Variants in SLC39A11 observed in about 807,000 individuals in gnomAD.
SLC39A11 encodes the protein zinc transporter ZIP11.
A neutral mutation model predicts 36.1 loss-of-function variants in SLC39A11; 33 were observed. That is an observed-to-expected ratio of 0.91 (90% CI 0.69 to 1.22). The LOEUF is 1.22. Ranked by LOEUF, SLC39A11 falls within the 50% of genes most tolerant of loss-of-function variation. The pLI is 0.00. For synonymous variants in SLC39A11, 166 were observed against 170.3 expected (o/e 0.97, Z 0.20); for missense variants, 432 against 430.3 (o/e 1.00, Z -0.03).
Position 72,706,204 on chromosome 17 carries a change from C to T in SLC39A11, c.671+30446G>A, listed in dbSNP as rs118147934. Among the ~76,000 whole-genome samples, 1,042 of 152,288 alleles carry T rather than the reference C, an allele frequency of 6.8e-3. 10 individuals are homozygous for T. Among genetic ancestry groups the T allele is most frequent in the Admixed American group, 0.013 (192 of 15,300 alleles). ...TTATTCATGTCTCATTTGTGCACTT[C>T]CCTGAAACAATCTCTTCTAGATGCA... On this transcript the variant is annotated intron_variant, in intron 7 of 9. Coordinates refer to ENST00000255559, the MANE Select transcript of SLC39A11 (RefSeq NM_139177.4).
intron 3 of SLC39A11, among the ~76,000 whole-genome samples, chr17:73,070,334 C>A (rs1015450052): frequency 6.6e-6 from 1 of 152,132 alleles, no homozygotes; most frequent in African/African-American, 2.4e-5. Context: ...AAGTATGAGC[C>A]TTCCATAGAC....
intron 7 of SLC39A11, among the ~76,000 whole-genome samples, chr17:72,704,541 G>A (rs959795160): frequency 6.6e-6 from 1 of 152,126 alleles, no homozygotes; most frequent in Non-Finnish European, 1.5e-5. Context: ...CTTTTCAGTG[G>A]GTCCTGCAAG....
intron 4 of SLC39A11, among the ~76,000 whole-genome samples, chr17:73,021,527 A>G (rs1387370375): frequency 1.3e-5 from 2 of 152,052 alleles, no homozygotes; most frequent in Admixed American, 6.6e-5. Context: ...TTTTTAGTAC[A>G]GACGGGGTTT....
chr17:72,679,994 A>G (rs1353082493), intron 7 of SLC39A11, among the ~76,000 whole-genome samples: 2 of 145,060 alleles, frequency 1.4e-5, no homozygotes, highest in African/African-American at 2.6e-5. Flanking sequence ...GTGAGCCAAG[A>G]TCGAGCTACT....
chr17:73,085,263 G>C (rs1323786033), intron 2 of SLC39A11, among the ~76,000 whole-genome samples: 1 of 152,008 alleles, frequency 6.6e-6, no homozygotes, highest in Non-Finnish European at 1.5e-5. Flanking sequence ...TCCCAGCACT[G>C]TGGGAGGCTG....
intron 6 of SLC39A11, among the ~76,000 whole-genome samples, chr17:72,832,415 C>T (rs2078325739): frequency 6.6e-6 from 1 of 152,220 alleles, no homozygotes; most frequent in Admixed American, 6.5e-5. Context: ...TCCCAAACCG[C>T]CATGCTGAGC....
Position 72,860,633 on chromosome 17 carries a change from C to T in SLC39A11, c.431-10829G>A, listed in dbSNP as rs937880147. The stretch of plus-strand genomic sequence containing the variant: ...CAGGGAGACAAGCGAAAAACCCGTA[C>T]CAGGCTTGGTGCACGTTCCTCTTTT... On this transcript the variant is annotated intron_variant, in intron 5 of 9. Coordinates refer to ENST00000255559, the MANE Select transcript of SLC39A11 (RefSeq NM_139177.4). Among the ~76,000 whole-genome samples, 17 of 152,254 alleles carry T rather than the reference C, an allele frequency of 1.1e-4. No homozygotes were observed. The South Asian group carries it at 3.3e-3, about 30-fold the overall frequency.
intron 6 of SLC39A11, among the ~76,000 whole-genome samples, chr17:72,786,522 C>G (rs567646164): frequency 6.6e-6 from 1 of 152,082 alleles, no homozygotes; most frequent in Admixed American, 6.5e-5. Context: ...CCTTGCCATG[C>G]CCCCAAATGT....
intron 5 of SLC39A11, among the ~76,000 whole-genome samples, chr17:72,910,623 C>CA (rs759842114): frequency 0.017 from 823 of 49,846 alleles, 59 homozygotes; most frequent in African/African-American, 0.056. Flanking sequence ...GACTCCGTCT[C>CA]AAAAAAAAAA....
intron 6 of SLC39A11, among the ~76,000 whole-genome samples, chr17:72,836,559 T>G (rs2078558160): frequency 6.6e-6 from 1 of 152,164 alleles, no homozygotes; most frequent in East Asian, 1.9e-4. Flanking sequence ...CAGGCTGGTC[T>G]TGAACTCCCA....
chr17:72,833,475 T>C lies in SLC39A11; in HGVS notation c.601+16159A>G, dbSNP rs941685632. Among the ~76,000 whole-genome samples, 9 of 152,338 alleles carry C rather than the reference T, an allele frequency of 5.9e-5. No homozygotes were observed. In the South Asian group the frequency reaches 8.3e-4, roughly 14 times the overall value. On this transcript the variant is annotated intron_variant, in intron 6 of 9. Coordinates refer to ENST00000255559, the MANE Select transcript of SLC39A11 (RefSeq NM_139177.4). ...CATTCCCACAGGGAGGCAAAGCTTT[T>C]CCAGGCAGTGTATTCTAAAAGTTTT...
At chr17:72,706,996 C>G (rs374377746) in intron 7 of SLC39A11, among the ~76,000 whole-genome samples, 1 of 152,112 alleles carries the variant, frequency 6.6e-6, no homozygotes, top group Non-Finnish European at 1.5e-5. Context: ...TATGTGTGGC[C>G]GTTGAGCACC....
chr17:72,971,336 ACTCT>A (rs369016332), intron 4 of SLC39A11, among the ~76,000 whole-genome samples: 51 of 143,470 alleles, frequency 3.6e-4, no homozygotes, highest in South Asian at 6.8e-4. Context: ...ACACACACAC[ACTCT>A]CTCTCTCTCT....
At chr17:72,835,308 C>A (rs1315984494) in intron 6 of SLC39A11, among the ~76,000 whole-genome samples, 1 of 152,078 alleles carries the variant, frequency 6.6e-6, no homozygotes, top group African/African-American at 2.4e-5. Context: ...CTGTGACGTC[C>A]CCATTTAAGA....
intron 7 of SLC39A11, among the ~76,000 whole-genome samples, chr17:72,682,901 C>T (rs1449841970): frequency 6.6e-6 from 1 of 152,186 alleles, no homozygotes; most frequent in Non-Finnish European, 1.5e-5. Context: ...AATCTAAGAC[C>T]TAGAACATTA....
intron 3 of SLC39A11, among the ~76,000 whole-genome samples, chr17:73,038,686 G>A (rs537697360): frequency 2.7e-4 from 41 of 149,276 alleles, no homozygotes; most frequent in African/African-American, 9.9e-4. Context: ...TAGCCTGGGC[G>A]ACAGAGCAAT....
rs181360172 is a variant in SLC39A11, at chr17:72,910,004, G to A, written c.430+37748C>T. On this transcript the variant is annotated intron_variant, in intron 5 of 9. Coordinates refer to ENST00000255559, the MANE Select transcript of SLC39A11 (RefSeq NM_139177.4). ...CCTCACCTCATGATCCACCCACCTC[G>A]GCCTCCCAAAGTGTTGGGATTACAG... Among the ~76,000 whole-genome samples, 225 of 151,770 alleles carry A rather than the reference G, an allele frequency of 1.5e-3. 3 individuals are homozygous for A. The highest frequency in any genetic ancestry group is 2.5e-3 in the Non-Finnish European group (170 of 67,920).
At chr17:72,941,893 T>TTTATTTATTTAC (rs1475256809) in intron 5 of SLC39A11, among the ~76,000 whole-genome samples, 10 of 150,708 alleles carry the variant, frequency 6.6e-5, no homozygotes, top group Non-Finnish European at 1.3e-4. Context: ...TATTTATTTA[T>TTTATTTATTTAC]TTACTGAGAC....
chr17:72,916,197 G>A (rs962255908), intron 5 of SLC39A11, among the ~76,000 whole-genome samples: 4 of 150,160 alleles, frequency 2.7e-5, no homozygotes, highest in South Asian at 4.3e-4. Context: ...TGAAATGCGC[G>A]CACACACAGG....
Sources: gnomAD v4.1 joint callset for allele counts (sites outside exome capture counted in the v4.1 genomes callset) on GRCh38, gnomAD v4.1.1 for gene constraint, MANE v1.5 for transcripts, NCBI Gene and HGNC (gene_info 2026-07-23, HGNC 2026-07-21) for gene names.